The following CNOT2 variants were observed in gnomAD, a reference collection of about 807,000 sequenced individuals.
CNOT2 encodes CC chemokine receptor 4-negative regulator of transcription 2.
Under a neutral mutation model 72.1 loss-of-function variants are expected in CNOT2, and 7 were observed. That is an observed-to-expected ratio of 0.10 (90% confidence interval 0.06 to 0.18). CNOT2 has a LOEUF of 0.18. Ranked by LOEUF, CNOT2 falls within the 10% of genes least tolerant of loss-of-function variation. CNOT2 has a pLI of 1.00. For synonymous variants in CNOT2, 196 were observed against 225.6 expected (o/e 0.87, Z 1.17); for missense variants, 345 against 660.3 (o/e 0.52, Z 5.23).
intron 6 of CNOT2, among the ~76,000 whole-genome samples, chr12:70,332,124 A>T (rs2136031497): frequency 6.6e-6 from 1 of 151,912 alleles, no homozygotes; most frequent in African/African-American, 2.4e-5. Context: ...CTATATTTAG[A>T]TAAGAATGAT....
At chr12:70,275,307 A>G (rs1245951516) in intron 1 of CNOT2, among the ~76,000 whole-genome samples, 2 of 151,758 alleles carry the variant, frequency 1.3e-5, no homozygotes, top group Non-Finnish European at 2.9e-5. Flanking sequence ...TTTTGCAGCT[A>G]TTTTACTCTG....
At chr12:70,267,052 G>A (rs1959084422) in intron 1 of CNOT2, among the ~76,000 whole-genome samples, 2 of 151,530 alleles carry the variant, frequency 1.3e-5, no homozygotes, top group Admixed American at 1.3e-4. Flanking sequence ...TACTTATTGA[G>A]TTTTTTAGTA....
At chr12:70,307,458 C>G (rs1013095597) in intron 2 of CNOT2, among the ~76,000 whole-genome samples, 2 of 152,102 alleles carry the variant, frequency 1.3e-5, no homozygotes, top group Non-Finnish European at 2.9e-5. Flanking sequence ...CAAGGCATCA[C>G]TAGGCAATAG....
At chr12:70,299,692 A>C (rs1310520103) in intron 2 of CNOT2, among the ~76,000 whole-genome samples, 1 of 152,112 alleles carries the variant, frequency 6.6e-6, no homozygotes, top group Non-Finnish European at 1.5e-5. Flanking sequence ...ATAAGTGTGC[A>C]TGTGTCTTTA....
At chr12:70,342,333 A>G (rs17108008) in intron 13 of CNOT2, 26 bp downstream of exon 13, 162,688 of 1,608,788 alleles carry the variant, frequency 0.1, 9,131 homozygotes, top group African/African-American at 0.21. Flanking sequence ...TATTCTACTC[A>G]GTCAGCATGA....
chr12:70,263,885 T>C (rs1050568124), intron 1 of CNOT2, among the ~76,000 whole-genome samples: 3 of 152,224 alleles, frequency 2.0e-5, no homozygotes, highest in Admixed American at 1.3e-4. Flanking sequence ...AAGTTTTATA[T>C]TTCTTGCCGT....
At chr12:70,335,406 A>G (rs752450857) in intron 7 of CNOT2, 32 bp from the exon 8 acceptor site, 2 of 1,500,120 alleles carry the variant, frequency 1.3e-6, no homozygotes, top group African/African-American at 1.4e-5. Context: ...TATTTGTAGA[A>G]TCAATAACCA....
chr12:70,293,914 CTTTTTTT>C (rs34038348), intron 2 of CNOT2, among the ~76,000 whole-genome samples: 2 of 71,314 alleles, frequency 2.8e-5, no homozygotes, highest in South Asian at 7.0e-4. Context: ...GTGAGCACTG[CTTTTTTT>C]TTTTTTTTTT....
intron 1 of CNOT2, among the ~76,000 whole-genome samples, chr12:70,264,716 G>A (rs1246451997): frequency 6.6e-6 from 1 of 152,188 alleles, no homozygotes; most frequent in African/African-American, 2.4e-5. Context: ...AGAGAGCCCT[G>A]TCTTGACCCC....
chr12:70,300,629 A>G (rs989236665), intron 2 of CNOT2, among the ~76,000 whole-genome samples: 14 of 152,092 alleles, frequency 9.2e-5, no homozygotes, highest in East Asian at 1.9e-4. Flanking sequence ...GTAGCCTTGT[A>G]GTATAGTTTG....
At chr12:70,287,774 A>G (rs1282356921) in intron 2 of CNOT2, among the ~76,000 whole-genome samples, 2 of 150,056 alleles carry the variant, frequency 1.3e-5, no homozygotes, top group African/African-American at 4.8e-5. Context: ...ATATTATGCT[A>G]ATGTTTTTGT....
chr12:70,321,151 A>G (rs1246608513), intron 4 of CNOT2, among the ~76,000 whole-genome samples: 1 of 151,892 alleles, frequency 6.6e-6, no homozygotes, highest in South Asian at 2.1e-4. Context: ...GTGAAGCAAC[A>G]TTTTGAATGT....
intron 15 of CNOT2, among the ~76,000 whole-genome samples, chr12:70,348,472 G>A (rs1882477745): frequency 6.6e-6 from 1 of 152,116 alleles, no homozygotes; most frequent in African/African-American, 2.4e-5. Flanking sequence ...ATTAGGTGAT[G>A]CTACAGGAGT....
At chr12:70,252,872 G>T (rs1446238603) in intron 1 of CNOT2, among the ~76,000 whole-genome samples, 1 of 152,166 alleles carries the variant, frequency 6.6e-6, no homozygotes, top group African/African-American at 2.4e-5. Context: ...GTTCGTGTTC[G>T]TTTTGGAGTG....
chr12:70,332,875 C>A (rs1880154471), intron 7 of CNOT2, 29 bp downstream of exon 7: 1 of 1,554,514 alleles, frequency 6.4e-7, no homozygotes, highest in Non-Finnish European at 8.6e-7. Context: ...TAGTACCCTA[C>A]AAAAAGTATG....
At chr12:70,261,617 GT>G (rs1163390971) in intron 1 of CNOT2, among the ~76,000 whole-genome samples, 1 of 151,602 alleles carries the variant, frequency 6.6e-6, no homozygotes, top group African/African-American at 2.4e-5. Context: ...CGCCTGGCCA[GT>G]TTTTGTGCCT....
At chr12:70,269,775 T>A (rs1959181509) in intron 1 of CNOT2, among the ~76,000 whole-genome samples, 1 of 152,122 alleles carries the variant, frequency 6.6e-6, no homozygotes, top group Non-Finnish European at 1.5e-5. Context: ...AAGCTCTAGC[T>A]TTTTTACCCC....
At chr12:70,283,683 T>C (rs1870319420) in intron 2 of CNOT2, among the ~76,000 whole-genome samples, 1 of 146,058 alleles carries the variant, frequency 6.8e-6, no homozygotes, top group East Asian at 2.0e-4. Flanking sequence ...AAAGCCTGAA[T>C]CCAATGAATT....
intron 1 of CNOT2, among the ~76,000 whole-genome samples, chr12:70,251,668 ATTATTTT>A (rs1188149183): frequency 6.6e-6 from 1 of 152,192 alleles, no homozygotes; most frequent in Non-Finnish European, 1.5e-5. Context: ...TTTTTGAAAG[ATTATTTT>A]CTCTCCATTA....
Sources: gnomAD v4.1 joint callset for allele counts (sites outside exome capture counted in the v4.1 genomes callset) on GRCh38, gnomAD v4.1.1 for gene constraint, MANE v1.5 for transcripts, NCBI Gene and HGNC (gene_info 2026-07-23, HGNC 2026-07-21) for gene names.